Variants in PTPRG observed in about 807,000 individuals in gnomAD.
PTPRG encodes the protein protein tyrosine phosphatase receptor type G.
In PTPRG, 102 loss-of-function variants were observed where a neutral mutation model predicts 165.3. That is an observed-to-expected ratio of 0.62 (90% CI 0.53 to 0.73). The LOEUF (loss-of-function observed/expected upper bound fraction) is 0.73, where lower values mean the gene tolerates loss of function less well. Among genes scored for constraint, PTPRG ranks in the 30% least tolerant of loss-of-function variants. The pLI is 0.00. For missense variants in PTPRG, 1,866 were observed against 1,861.4 expected, an observed-to-expected ratio of 1.00 and a Z score of -0.05; for synonymous variants, 675 against 669.5, an observed-to-expected ratio of 1.01 and a Z score of -0.13.
rs1411217619 is a variant in PTPRG at position 62,271,485 on chromosome 3, G to C, written c.3112G>C (p.Val1038Leu). 4 of 1,614,016 alleles carry C rather than the reference G, an allele frequency of 2.5e-6. No individual in the cohort carries two copies. The Admixed American group carries it at 6.7e-5, about 27-fold the overall frequency. The part of the protein sequence containing the change: ...DMGVPEYALP[V>L]LTFVRRSSAA... Reference sequence around the variant, plus strand: ...GGGAGTTCCCGAGTATGCCCTTCCAGTACTGACTTTCGTGAGGAGATCCTC... The same window carrying C: ...GGGAGTTCCCGAGTATGCCCTTCCACTACTGACTTTCGTGAGGAGATCCTC... The change falls in exon 21 of 30, where the codon GTA becomes CTA. Residue 1038 changes from valine to leucine, a missense_variant. This residue lies in a region of PTPRG where 1,452 missense variants were observed against 1,463.0 expected (regional missense o/e 0.99). Coordinates refer to ENST00000474889, the MANE Select transcript of PTPRG (RefSeq NM_002841.4). This position sits in a 1 kb window ranked among gnomAD's most constrained non-coding sequence, Gnocchi z 4.1.
intron 1 of PTPRG, among the ~76,000 whole-genome samples, chr3:61,693,606 G>A (rs988172621): frequency 6.6e-6 from 1 of 152,182 alleles, no homozygotes; most frequent in South Asian, 2.1e-4. Context: ...ATAATCTGCT[G>A]CAGAATAAAG....
At chr3:62,221,984 CATGTG>C (rs1327162039) in intron 13 of PTPRG, among the ~76,000 whole-genome samples, 8 of 152,238 alleles carry the variant, frequency 5.3e-5, no homozygotes, top group African/African-American at 1.9e-4. Flanking sequence ...GGCACCAACT[CATGTG>C]ATTCTCACAA....
At chr3:61,730,299 C>T (rs1270329610) in intron 1 of PTPRG, among the ~76,000 whole-genome samples, 3 of 152,200 alleles carry the variant, frequency 2.0e-5, no homozygotes, top group African/African-American at 7.2e-5. Context: ...TCAAACCAGG[C>T]CACATCTGTT....
intron 16 of PTPRG, among the ~76,000 whole-genome samples, chr3:62,258,300 G>A (rs1449968498): frequency 6.6e-6 from 1 of 152,174 alleles, no homozygotes; most frequent in African/African-American, 2.4e-5. Context: ...CCATCTAACA[G>A]TTACTGATGA....
At chr3:61,584,156 C>T (rs1044679013) in intron 1 of PTPRG, among the ~76,000 whole-genome samples, 6 of 152,172 alleles carry the variant, frequency 3.9e-5, no homozygotes, top group African/African-American at 1.4e-4. Flanking sequence ...TTAGCCTTAA[C>T]TGCTTCTCTT....
chr3:61,849,555 G>A (rs1391557673), intron 2 of PTPRG, among the ~76,000 whole-genome samples: 1 of 152,188 alleles, frequency 6.6e-6, no homozygotes, highest in African/African-American at 2.4e-5. Context: ...CCCAGGTGCT[G>A]CTAAAGGTTA....
chr3:61,597,451 A>G (rs1406762221), intron 1 of PTPRG, among the ~76,000 whole-genome samples: 1 of 152,170 alleles, frequency 6.6e-6, no homozygotes, highest in Non-Finnish European at 1.5e-5. Flanking sequence ...GCCTGACTGC[A>G]TATTTGATGG....
At position 61,699,584 on chromosome 3, in the gene PTPRG, A is replaced by T. The variant is rs191943916; in HGVS notation, c.86-49294A>T. The stretch of plus-strand genomic sequence containing the variant: ...CTTTTTTTCTGAGCTAAAAGTGAAC[A>T]TTTCAGTGTCTGTTCCTTCCCCCTG... On this transcript the variant is annotated intron_variant, in intron 1 of 29. Coordinates refer to ENST00000474889, the MANE Select transcript of PTPRG (RefSeq NM_002841.4). Among the ~76,000 whole-genome samples the T allele has an allele frequency of 1.3e-3, 196 of 152,314 alleles. 1 individual carries two copies. The East Asian group carries it at 0.022, about 17-fold the overall frequency.
chr3:61,988,458 T>TACTAA (rs2040812258), intron 2 of PTPRG, among the ~76,000 whole-genome samples: 1 of 152,186 alleles, frequency 6.6e-6, no homozygotes, highest in African/African-American at 2.4e-5. Context: ...CAGGTTTATC[T>TACTAA]ACTACTAAAC....
intron 2 of PTPRG, among the ~76,000 whole-genome samples, chr3:61,911,209 G>C (rs995237138): frequency 6.6e-6 from 1 of 151,274 alleles, no homozygotes; most frequent in African/African-American, 2.5e-5. Context: ...TCAAGACAAA[G>C]AGGGGAAGGG....
chr3:62,132,787 T>G (rs761579975), intron 6 of PTPRG, 119 bp downstream of exon 6: 6 of 908,874 alleles, frequency 6.6e-6, no homozygotes, highest in African/African-American at 1.6e-5. Context: ...TCCCCTGATG[T>G]TGAAGGGCAT....
At chr3:61,848,282 T>TAA in intron 2 of PTPRG, among the ~76,000 whole-genome samples, 1 of 152,340 alleles carries the variant, frequency 6.6e-6, no homozygotes, top group African/African-American at 2.4e-5. Context: ...TGGTTGTGAC[T>TAA]GCTGGGTGGG....
chr3:62,099,356 A>C (rs1046479965), intron 5 of PTPRG, among the ~76,000 whole-genome samples: 5 of 152,224 alleles, frequency 3.3e-5, no homozygotes, highest in Admixed American at 1.3e-4. Flanking sequence ...ATGGTATTTT[A>C]GGCCTGAAAA....
At chr3:62,123,125 A>T (rs979617897) in intron 5 of PTPRG, among the ~76,000 whole-genome samples, 24 of 152,230 alleles carry the variant, frequency 1.6e-4, no homozygotes, top group Non-Finnish European at 4.4e-5. Flanking sequence ...AAGGTTTCTC[A>T]CAAAGCTACA....
chr3:61,971,699 G>C lies in PTPRG; in HGVS notation c.191-17926G>C, dbSNP rs77766045. Among the ~76,000 whole-genome samples, 2,499 of 152,306 alleles carry C rather than the reference G, an allele frequency of 0.016. 191 individuals carry two copies. In the East Asian group the frequency reaches 0.24, roughly 15 times the overall value. On this transcript the variant is annotated intron_variant, in intron 2 of 29. Transcript: ENST00000474889. ...TAAAAATCCCTCTTCGGATCATTTG[G>C]TGTGATGGAAGTGTTCTGAAACTAG...
intron 1 of PTPRG, among the ~76,000 whole-genome samples, chr3:61,671,141 T>TTC: frequency 1.5e-5 from 2 of 131,876 alleles, no homozygotes; most frequent in African/African-American, 6.9e-5. Context: ...GAACTTTCTT[T>TTC]TTTTTTTTTT....
At chr3:61,759,162 G>A (rs2033746306) in intron 2 of PTPRG, among the ~76,000 whole-genome samples, 1 of 152,028 alleles carries the variant, frequency 6.6e-6, no homozygotes, top group Non-Finnish European at 1.5e-5. Context: ...TATCTTCTTG[G>A]TTGTCTTTCT....
chr3:61,601,746 T>C (rs923344018), intron 1 of PTPRG, among the ~76,000 whole-genome samples: 4 of 152,116 alleles, frequency 2.6e-5, no homozygotes, highest in African/African-American at 4.8e-5. Flanking sequence ...CAGACTAACA[T>C]GATAGAAGGT....
chr3:61,998,969 G>A (rs2041106568), intron 3 of PTPRG, among the ~76,000 whole-genome samples: 1 of 152,162 alleles, frequency 6.6e-6, no homozygotes, highest in South Asian at 2.1e-4. Flanking sequence ...TCAGTATCTG[G>A]TGAGGGCCTG....
Sources: allele counts gnomAD v4.1 joint callset (sites outside exome capture counted in the v4.1 genomes callset), GRCh38; gene constraint gnomAD v4.1.1; regional missense constraint gnomAD v4.1.1; non-coding constraint Gnocchi (gnomAD v3.1); transcripts MANE v1.5; gene names NCBI Gene and HGNC (gene_info 2026-07-23, HGNC 2026-07-21).